MIPEP: variants seen among roughly 807,000 people sequenced by gnomAD.
MIPEP encodes mitochondrial intermediate peptidase.
A neutral mutation model predicts 90.3 loss-of-function variants in MIPEP; 79 were observed. The ratio of observed to expected loss-of-function variants is 0.87; its 90% CI spans 0.73 to 1.05. MIPEP has a LOEUF of 1.05. Among genes scored for constraint, MIPEP ranks in the 50% least tolerant of loss-of-function variants. The probability of loss-of-function intolerance (pLI) is 0.00; values close to 1 mark genes in which losing one functional copy is unlikely to be tolerated. For missense variants in MIPEP, 940 were observed against 905.6 expected, an observed-to-expected ratio of 1.04 and a Z score of -0.49; for synonymous variants, 334 against 315.8, an observed-to-expected ratio of 1.06 and a Z score of -0.61.
At chr13:23,812,864 T>A (rs1342270759) in intron 14 of MIPEP, among the ~76,000 whole-genome samples, 2 of 152,120 alleles carry the variant, frequency 1.3e-5, no homozygotes, top group African/African-American at 2.4e-5. Context: ...CAAAAAACAT[T>A]CACTTGTAAA....
intron 14 of MIPEP, 21 bp from the exon 15 acceptor site, chr13:23,809,945 T>C (rs746050995): frequency 6.6e-7 from 1 of 1,523,892 alleles, no homozygotes; most frequent in Non-Finnish European, 9.1e-7. Flanking sequence ...CAAAAGAATA[T>C]ATATGTGAGT....
chr13:23,819,657 T>C (rs1204076583), intron 14 of MIPEP, among the ~76,000 whole-genome samples: 2 of 152,132 alleles, frequency 1.3e-5, no homozygotes, highest in African/African-American at 4.8e-5. Flanking sequence ...AATCTCTATG[T>C]GTTATATACA....
At chr13:23,860,229 A>G (rs546220157) in intron 9 of MIPEP, among the ~76,000 whole-genome samples, 6 of 152,374 alleles carry the variant, frequency 3.9e-5, no homozygotes, top group Admixed American at 3.3e-4. Flanking sequence ...AATGTTCTCA[A>G]GAAGGCAAAG....
Position 23,837,580 on chromosome 13 carries a change from T to C in MIPEP, c.1515A>G (p.Leu505=), listed in dbSNP as rs773884753. The stretch of plus-strand genomic sequence containing the variant: ...TGACGTGTTGGTAACGAGTACGTCC[T>C]AGCATTGAATGCATGGCATGTCCCA... ...HEMGHAMHSM[L]GRTRYQHVTG... is the part of the protein sequence containing the mutation. The change falls in exon 13 of 19, where the codon CTA becomes CTG. Residue 505 remains leucine (L), a synonymous_variant. Coordinates refer to ENST00000382172, the MANE Select transcript of MIPEP (RefSeq NM_005932.4). The C allele has an allele frequency of 4.3e-6, 7 of 1,613,932 alleles. No individual in the cohort carries two copies. In the Admixed American group the frequency reaches 1.2e-4, roughly 27 times the overall value.
intron 4 of MIPEP, among the ~76,000 whole-genome samples, chr13:23,877,448 T>C (rs1039468582): frequency 6.6e-6 from 1 of 152,216 alleles, no homozygotes; most frequent in Non-Finnish European, 1.5e-5. Flanking sequence ...TATTATAGTC[T>C]TTGCATACAT....
chr13:23,860,176 C>T lies in MIPEP; in HGVS notation c.1054-1264G>A, dbSNP rs115456718. 9.1e-3 allele frequency among the ~76,000 whole-genome samples: 1,393 copies of T among 152,314 alleles called. 16 individuals carry two copies. Among genetic ancestry groups the T allele is most frequent in the African/African-American group, 0.032 (1,310 of 41,554 alleles). On this transcript the variant is annotated intron_variant, in intron 9 of 18. Transcript: ENST00000382172. ...TGTCTACATTGTGCCATGTAAAACA[C>T]AGCCCACAAGAAGAGTATTTAAATC...
intron 14 of MIPEP, among the ~76,000 whole-genome samples, chr13:23,828,996 G>A (rs778458170): frequency 7.9e-5 from 12 of 152,180 alleles, no homozygotes; most frequent in Non-Finnish European, 1.5e-4. Flanking sequence ...TATTAGGACA[G>A]ACAGCTTAAA....
intron 16 of MIPEP, among the ~76,000 whole-genome samples, chr13:23,766,314 A>G (rs59870718): frequency 0.032 from 4,860 of 152,292 alleles, 258 homozygotes; most frequent in African/African-American, 0.11. Flanking sequence ...AGAGACTCTA[A>G]ACAAACAATG....
chr13:23,880,996 T>A (rs1489267254), intron 3 of MIPEP, among the ~76,000 whole-genome samples: 1 of 152,188 alleles, frequency 6.6e-6, no homozygotes, highest in Non-Finnish European at 1.5e-5. Flanking sequence ...TGCAGCTAAG[T>A]GTGTTGGAAT....
intron 18 of MIPEP, among the ~76,000 whole-genome samples, chr13:23,733,536 A>G (rs1005456000): frequency 1.1e-3 from 169 of 152,192 alleles, no homozygotes; most frequent in African/African-American, 3.9e-3. Flanking sequence ...GGGACACTCC[A>G]TGTGGAGACA....
At position 23,831,385 on chromosome 13, in the gene MIPEP, G is replaced by GGA. The variant is rs1555237540; in HGVS notation, c.1653+4854_1653+4855insTC. 1.8e-4 allele frequency among the ~76,000 whole-genome samples: 24 copies of GGA among 132,580 alleles called. 3 individuals carry two copies. The South Asian group carries it at 4.2e-3, about 23-fold the overall frequency. The allele number at this position is 132,580 out of a possible 152,430, so 87.0% of individuals were successfully genotyped here. Reference sequence around the variant, plus strand: ...GGGACAGCCTAGCTTCCCCATGGCGGGGGGGGGATGTGGATGGGAATTGCC... The same window carrying GGA: ...GGGACAGCCTAGCTTCCCCATGGCGGGAGGGGGGGATGTGGATGGGAATTGCC... On this transcript the variant is annotated intron_variant, in intron 14 of 18. Transcript: ENST00000382172.
Position 23,889,213 on chromosome 13 carries a change from G to A in MIPEP, c.108C>T (p.Val36=). 6.9e-7 allele frequency: 1 copy of A among 1,440,526 alleles called. No individual in the cohort carries two copies. Among genetic ancestry groups the A allele is most frequent in the South Asian group, 1.4e-5 (1 of 69,678 alleles). The allele number at this position is 1,440,526 out of a possible 1,614,324, so 89.2% of individuals were successfully genotyped here. The change falls in exon 1 of 19, where the codon GTC becomes GTT. Residue 36 remains valine, a synonymous_variant. Transcript: ENST00000382172. The part of the protein sequence containing the change: ...SLEAGIRARR[V]STSWSPVGAA... ...CGCCCACGGGAGACCAGCTGGTGCT[G>A]ACCCTTCGGGCCCGGATCCCGGCTT...
At chr13:23,836,496 T>A (rs1260283917) in intron 13 of MIPEP, 147 bp from the exon 14 acceptor site, 1 of 488,186 alleles carries the variant, frequency 2.0e-6, no homozygotes, top group African/African-American at 2.0e-5. Context: ...ATAAATTTAT[T>A]GTACATATTT....
In MIPEP at chr13:23,870,159, C is replaced by T; in HGVS notation, c.640G>A (p.Asp214Asn). Residue 214 changes from aspartate (D) to asparagine (N), a missense_variant, in exon 6 of 19, where the codon GAT (aspartate) becomes AAT (asparagine). Transcript: ENST00000382172. ...RAVDLNVKILDLSSTFLMGTN... is the reference protein window; with the variant it reads ...RAVDLNVKILNLSSTFLMGTN... ...CCCATAAGAAATGTACTACTCAAAT[C>T]CAAGATTTTAACATTGAGGTCCACT... 1 of 1,607,104 alleles carries T rather than the reference C, an allele frequency of 6.2e-7. No individual in the cohort carries two copies. The highest frequency in any genetic ancestry group is 8.5e-7 in the Non-Finnish European group (1 of 1,176,608).
chr13:23,787,041 T>C (rs567681651), intron 16 of MIPEP, among the ~76,000 whole-genome samples: 1 of 152,156 alleles, frequency 6.6e-6, no homozygotes, highest in Admixed American at 6.5e-5. Flanking sequence ...CCAGGGGTGA[T>C]GGGAACGCCA....
intron 16 of MIPEP, among the ~76,000 whole-genome samples, chr13:23,772,422 T>C (rs1325559422): frequency 6.6e-6 from 1 of 152,108 alleles, no homozygotes; most frequent in Non-Finnish European, 1.5e-5. Flanking sequence ...ACATATTAGA[T>C]AAAAATATTC....
intron 16 of MIPEP, among the ~76,000 whole-genome samples, chr13:23,804,302 T>G (rs1953081016): frequency 6.6e-6 from 1 of 152,212 alleles, no homozygotes; most frequent in Non-Finnish European, 1.5e-5. Flanking sequence ...CTCCTAATGT[T>G]AGTCTTCCTA....
chr13:23,748,460 T>C (rs549449461), intron 18 of MIPEP, among the ~76,000 whole-genome samples: 2 of 152,130 alleles, frequency 1.3e-5, no homozygotes, highest in African/African-American at 4.8e-5. Context: ...TGTTAATATG[T>C]GCTATGAAGC....
Position 23,745,800 on chromosome 13 carries a change from C to A in MIPEP, c.2044+10745G>T, listed in dbSNP as rs1462878919. Among the ~76,000 whole-genome samples, 3 of 151,578 alleles carry A rather than the reference C, an allele frequency of 2.0e-5. No homozygotes were observed. In the South Asian group the frequency reaches 6.2e-4, roughly 32 times the overall value. On this transcript the variant is annotated intron_variant, in intron 18 of 18. Coordinates refer to ENST00000382172, the MANE Select transcript of MIPEP (RefSeq NM_005932.4). ...AAAATTAGCGAAGTGTGGTGGTGGG[C>A]GCCCGTAATCCCAGCTACAGTCAGG...
Sources: gnomAD v4.1 joint callset for allele counts (sites outside exome capture counted in the v4.1 genomes callset) on GRCh38, gnomAD v4.1.1 for gene constraint, MANE v1.5 for transcripts, NCBI Gene and HGNC (gene_info 2026-07-23, HGNC 2026-07-21) for gene names.